REDIC1: variants seen among roughly 807,000 people sequenced by gnomAD.
REDIC1 encodes HEI10 Interacting Protein 1.
At chr12:39,888,785 C>T in the REDIC1 span, among the ~76,000 whole-genome samples, 1 of 151,984 alleles carries the variant, frequency 6.6e-6, no homozygotes, top group African/African-American at 2.4e-5. Flanking sequence ...CACAAGTAAC[C>T]AAAATTTTAT....
chr12:39,754,989 T>A, the REDIC1 span: 20,334 of 152,078 alleles, frequency 0.13, 1,635 homozygotes, highest in East Asian at 0.39. Flanking sequence ...CCAAGGAAGA[T>A]AACTAGAAAA....
At chr12:39,662,098 C>T in the REDIC1 span, among the ~76,000 whole-genome samples, 24 of 152,006 alleles carry the variant, frequency 1.6e-4, no homozygotes, top group Non-Finnish European at 3.4e-4. Flanking sequence ...CACCTTTGTT[C>T]TTTTTGCTCA....
the REDIC1 span, among the ~76,000 whole-genome samples, chr12:39,811,357 T>C: frequency 6.6e-6 from 1 of 152,102 alleles, no homozygotes; most frequent in Non-Finnish European, 1.5e-5. Context: ...CTTTGGGTTT[T>C]ACTTGCTCTT....
the REDIC1 span, among the ~76,000 whole-genome samples, chr12:39,690,801 A>G: frequency 4.6e-5 from 7 of 152,306 alleles, no homozygotes; most frequent in South Asian, 1.5e-3. Context: ...TTTCTGATCC[A>G]TAGCAAGGCT....
At chr12:39,794,123 CAAAAAAAAAAAAAAAA>C in the REDIC1 span, among the ~76,000 whole-genome samples, 4 of 78,372 alleles carry the variant, frequency 5.1e-5, no homozygotes, top group African/African-American at 2.0e-4. Context: ...GGCCAAATTG[CAAAAAAAAAAAAAAAA>C]AAAAAAAAAA....
chr12:39,885,005 G>C, the REDIC1 span, among the ~76,000 whole-genome samples: 2,967 of 152,326 alleles, frequency 0.019, 36 homozygotes, highest in Non-Finnish European at 0.032. Flanking sequence ...TAGTGGCAGA[G>C]ACAGGTATTA....
the REDIC1 span, among the ~76,000 whole-genome samples, chr12:39,794,706 T>C: frequency 6.6e-6 from 1 of 152,230 alleles, no homozygotes; most frequent in Non-Finnish European, 1.5e-5. Flanking sequence ...TGTGGCAGCC[T>C]GGAGTGGCTG....
the REDIC1 span, chr12:39,829,589 T>C: frequency 6.3e-6 from 1 of 158,910 alleles, no homozygotes; most frequent in Admixed American, 6.0e-5. Context: ...AATTTTTGTA[T>C]TTTTGTAGAG....
the REDIC1 span, among the ~76,000 whole-genome samples, chr12:39,784,407 C>A: frequency 6.6e-6 from 1 of 152,114 alleles, no homozygotes; most frequent in Admixed American, 6.5e-5. Context: ...ACAGAGCCCG[C>A]AGAAATAATG....
At chr12:39,704,877 AC>A in the REDIC1 span, among the ~76,000 whole-genome samples, 2 of 151,916 alleles carry the variant, frequency 1.3e-5, no homozygotes, top group African/African-American at 2.4e-5. Flanking sequence ...AACAATGAGA[AC>A]ACATGGACAC....
chr12:39,797,775 CAT>C, the REDIC1 span, among the ~76,000 whole-genome samples: 6 of 151,888 alleles, frequency 4.0e-5, no homozygotes, highest in Non-Finnish European at 7.4e-5. Flanking sequence ...CACACACACA[CAT>C]ACACGGATGC....
chr12:39,712,926 T>A, the REDIC1 span, among the ~76,000 whole-genome samples: 1 of 147,340 alleles, frequency 6.8e-6, no homozygotes, highest in Admixed American at 6.8e-5. Flanking sequence ...CATATGTGCA[T>A]ATACGTGTAT....
At chr12:39,714,078 TATACAC>T in the REDIC1 span, among the ~76,000 whole-genome samples, 810 of 136,854 alleles carry the variant, frequency 5.9e-3, 49 homozygotes, top group African/African-American at 0.016. Flanking sequence ...TATACGTGTA[TATACAC>T]ATATATGTAC....
chr12:39,727,765 T>C, the REDIC1 span, among the ~76,000 whole-genome samples: 1 of 152,356 alleles, frequency 6.6e-6, no homozygotes, highest in East Asian at 1.9e-4. Flanking sequence ...TTTCACAATA[T>C]TGATTCTTCC....
chr12:39,762,915 C>T, the REDIC1 span, among the ~76,000 whole-genome samples: 1 of 7,370 alleles, frequency 1.4e-4, no homozygotes, highest in African/African-American at 6.5e-4. Context: ...ATTACTGTTG[C>T]CTCATTTTTC....
the REDIC1 span, among the ~76,000 whole-genome samples, chr12:39,889,132 CTCATA>C: frequency 6.6e-6 from 1 of 151,944 alleles, no homozygotes. Flanking sequence ...CAAATGTTGG[CTCATA>C]TCATATTATT....
chr12:39,642,239 A>C, the REDIC1 span, among the ~76,000 whole-genome samples: 3 of 151,768 alleles, frequency 2.0e-5, no homozygotes, highest in Non-Finnish European at 4.4e-5. Context: ...AGAGGCTATT[A>C]TGATGGCTGG....
chr12:39,761,016 CT>C, the REDIC1 span, among the ~76,000 whole-genome samples: 3 of 88,922 alleles, frequency 3.4e-5, no homozygotes, highest in African/African-American at 1.2e-4. Flanking sequence ...TATACTTGTA[CT>C]TTTGATGGTG....
chr12:39,782,076 T>C, the REDIC1 span, among the ~76,000 whole-genome samples: 3 of 152,200 alleles, frequency 2.0e-5, no homozygotes, highest in Admixed American at 2.0e-4. Flanking sequence ...AGTATGGAAC[T>C]ATGCCTAGAA....
Sources: gnomAD v4.1 joint callset for allele counts (sites outside exome capture counted in the v4.1 genomes callset) on GRCh38, gnomAD v4.1.1 for gene constraint, MANE v1.5 for transcripts, NCBI Gene and HGNC (gene_info 2026-07-23, HGNC 2026-07-21) for gene names.